Variants in ARMH3 observed in about 807,000 individuals in gnomAD.
ARMH3 encodes the protein armadillo-like helical domain-containing protein 3.
A neutral mutation model predicts 99.1 loss-of-function variants in ARMH3; 60 were observed. The observed-to-expected ratio is 0.61, with a 90% confidence interval of 0.49 to 0.75. The LOEUF (loss-of-function observed/expected upper bound fraction) is 0.75, where lower values mean the gene tolerates loss of function less well. ARMH3 is among the 30% of genes least tolerant of loss of function. ARMH3 has a pLI of 0.00. For missense variants in ARMH3, 679 were observed against 843.1 expected, an observed-to-expected ratio of 0.81 and a Z score of 2.41; for synonymous variants, 285 against 292.8, an observed-to-expected ratio of 0.97 and a Z score of 0.27.
intron 19 of ARMH3, among the ~76,000 whole-genome samples, chr10:101,979,332 T>C (rs1289147299): frequency 2.0e-5 from 3 of 152,168 alleles, no homozygotes; most frequent in Non-Finnish European, 4.4e-5. Context: ...TGGATGAATA[T>C]GGAAAATAGT....
At chr10:101,962,847 AG>A (rs1340353305) in intron 20 of ARMH3, among the ~76,000 whole-genome samples, 1 of 152,212 alleles carries the variant, frequency 6.6e-6, no homozygotes, top group Non-Finnish European at 1.5e-5. Context: ...GGAGCTATCT[AG>A]GGCCAATATC....
At chr10:102,047,120 A>T (rs774414118) in intron 1 of ARMH3, among the ~76,000 whole-genome samples, 7 of 152,236 alleles carry the variant, frequency 4.6e-5, no homozygotes, top group Non-Finnish European at 8.8e-5. Flanking sequence ...AAGTTGATAG[A>T]TGTATCCAAC....
At chr10:101,926,316 C>T (rs1041376010) in intron 23 of ARMH3, among the ~76,000 whole-genome samples, 4 of 152,152 alleles carry the variant, frequency 2.6e-5, no homozygotes, top group Non-Finnish European at 5.9e-5. Context: ...GCCTCCAGAA[C>T]AGCTGAGACT....
chr10:102,045,809 T>C (rs927184737), intron 1 of ARMH3, among the ~76,000 whole-genome samples: 119 of 152,202 alleles, frequency 7.8e-4, no homozygotes, highest in Non-Finnish European at 2.4e-4. Context: ...AAATATTGAA[T>C]GAGGGCCAGG....
chr10:102,022,764 T>A (rs1216671854), intron 8 of ARMH3, among the ~76,000 whole-genome samples: 2 of 150,234 alleles, frequency 1.3e-5, no homozygotes, highest in African/African-American at 2.4e-5. Context: ...GTATTTTTAG[T>A]AGAGACGGGG....
chr10:101,962,344 A>G (rs966287696), intron 20 of ARMH3, among the ~76,000 whole-genome samples: 7 of 152,170 alleles, frequency 4.6e-5, no homozygotes, highest in African/African-American at 1.7e-4. Flanking sequence ...CAGAAGAATG[A>G]CAACTACTAC....
intron 23 of ARMH3, among the ~76,000 whole-genome samples, chr10:101,932,466 T>C (rs1254836828): frequency 6.6e-6 from 1 of 152,224 alleles, no homozygotes. Context: ...CATACACTCA[T>C]GTTCACACTA....
intron 22 of ARMH3, among the ~76,000 whole-genome samples, chr10:101,948,285 G>A (rs1844639442): frequency 6.7e-6 from 1 of 149,934 alleles, no homozygotes; most frequent in Admixed American, 6.7e-5. Context: ...CACCTACTCA[G>A]GAGGCTGAGG....
chr10:101,885,132 C>T (rs2067509346), intron 24 of ARMH3, among the ~76,000 whole-genome samples: 1 of 151,786 alleles, frequency 6.6e-6, no homozygotes, highest in South Asian at 2.1e-4. Flanking sequence ...ATTAGGATGG[C>T]TATTAAAAAA....
At chr10:101,986,895 G>A (rs369211291) in intron 19 of ARMH3, among the ~76,000 whole-genome samples, 49 of 152,146 alleles carry the variant, frequency 3.2e-4, no homozygotes, top group Non-Finnish European at 1.9e-4. Flanking sequence ...TTGATGCCTC[G>A]TTATCTTCTC....
Position 101,957,680 on chromosome 10 carries a change from G to T in ARMH3, c.1548C>A (p.Ala516=). The T allele has an allele frequency of 1.2e-6, 2 of 1,610,184 alleles. No homozygotes were observed. Among genetic ancestry groups the T allele is most frequent in the South Asian group, 2.2e-5 (2 of 90,104 alleles). ...GGGCTAATGTAAAAATGTTGTGTTT[G>T]GCCAAAAGTACAGTCTCATTTGACA... ...FLMSNETVLL[A]KHNIFTLALM... The change falls in exon 21 of 26, where the codon GCC becomes GCA. Residue 516 remains alanine (A), a synonymous_variant. Transcript: ENST00000370033.
intron 5 of ARMH3, 52 bp from the exon 6 acceptor site, chr10:102,025,300 T>A: frequency 6.9e-7 from 1 of 1,455,860 alleles, no homozygotes; most frequent in South Asian, 1.1e-5. Context: ...CACCCCACCT[T>A]TGTCTAACTC....
chr10:101,928,869 T>C (rs932785354), intron 23 of ARMH3, among the ~76,000 whole-genome samples: 1 of 152,122 alleles, frequency 6.6e-6, no homozygotes, highest in Non-Finnish European at 1.5e-5. Flanking sequence ...GAGCTGGGAT[T>C]ACAAGCACCC....
At chr10:101,872,986 G>GTATACTACA (rs1474350400) in intron 24 of ARMH3, among the ~76,000 whole-genome samples, 2 of 151,488 alleles carry the variant, frequency 1.3e-5, no homozygotes, top group African/African-American at 4.8e-5. Flanking sequence ...GCTGTAATAA[G>GTATACTACA]TATACTACAT....
At chr10:101,976,922 G>C (rs1846038727) in intron 19 of ARMH3, among the ~76,000 whole-genome samples, 1 of 151,910 alleles carries the variant, frequency 6.6e-6, no homozygotes. Flanking sequence ...CCAAGTTCTG[G>C]GATTACAGGC....
At chr10:101,901,217 T>G (rs1279547966) in intron 23 of ARMH3, among the ~76,000 whole-genome samples, 1 of 147,592 alleles carries the variant, frequency 6.8e-6, no homozygotes, top group African/African-American at 2.5e-5. Flanking sequence ...GATTCCATAC[T>G]AGATAGCAGT....
rs191118245 is a variant in ARMH3, at chr10:101,871,378, A to T, written c.1860+18034T>A. On this transcript the variant is annotated intron_variant, in intron 24 of 25. Coordinates refer to ENST00000370033, the MANE Select transcript of ARMH3 (RefSeq NM_024541.3). ...GGACCTAGAATATTCAAAAACATTT[A>T]AAAAAAACAAAATTAGAGGGTTAGC... Among the ~76,000 whole-genome samples the T allele has an allele frequency of 2.8e-3, 432 of 152,108 alleles. 4 individuals carry two copies. The highest frequency in any genetic ancestry group is 7.0e-3 in the African/African-American group (292 of 41,478).
intron 2 of ARMH3, among the ~76,000 whole-genome samples, chr10:102,034,331 G>A (rs1451317037): frequency 6.6e-6 from 1 of 151,978 alleles, no homozygotes; most frequent in Non-Finnish European, 1.5e-5. Flanking sequence ...TGGTTAATGG[G>A]TAAAACAAGA....
chr10:101,948,054 G>T (rs953841418), intron 22 of ARMH3, among the ~76,000 whole-genome samples: 1 of 152,054 alleles, frequency 6.6e-6, no homozygotes, highest in Non-Finnish European at 1.5e-5. Flanking sequence ...AAAAGTGCGG[G>T]GAGGGGCAAA....
Sources: gnomAD v4.1 joint callset for allele counts (sites outside exome capture counted in the v4.1 genomes callset) on GRCh38, gnomAD v4.1.1 for gene constraint, MANE v1.5 for transcripts, NCBI Gene and HGNC (gene_info 2026-07-23, HGNC 2026-07-21) for gene names.